Variants in SLC25A38 observed in about 807,000 individuals in gnomAD.
SLC25A38 encodes mitochondrial glycine transporter.
In SLC25A38, 27 loss-of-function variants were observed where a neutral mutation model predicts 33.4. That is an observed-to-expected ratio of 0.81 (90% CI 0.60 to 1.11). The LOEUF is 1.11. Among genes scored for constraint, SLC25A38 ranks in the 50% most tolerant of loss-of-function variants. SLC25A38 has a pLI of 0.00. For synonymous variants in SLC25A38, 123 were observed against 145.9 expected, an observed-to-expected ratio of 0.84 and a Z score of 1.13; for missense variants, 344 against 388.8, an observed-to-expected ratio of 0.88 and a Z score of 0.97.
chr3:39,385,802 G>C (rs566216135), intron 1 of SLC25A38, among the ~76,000 whole-genome samples: 2 of 152,370 alleles, frequency 1.3e-5, no homozygotes, highest in East Asian at 3.9e-4. Context: ...GATGGGGACA[G>C]GTGTTGCTGT....
Position 39,394,568 on chromosome 3 carries a change from A to G in SLC25A38, c.784A>G (p.Ile262Val), listed in dbSNP as rs2041808079. The change falls in exon 6 of 7, where the codon ATT becomes GTT. Residue 262 changes from isoleucine (I) to valine (V), a missense_variant. Ile to Val is a conservative substitution (Grantham distance 29). This residue lies in a region of SLC25A38 where 75 missense variants were observed against 117.0 expected (regional missense o/e 0.64). Transcript: ENST00000650617. Reference protein sequence around the residue: ...FQWIGQAVTLIFKDYGLRGFF... With the variant: ...FQWIGQAVTLVFKDYGLRGFF... ...ATGGATTGGCCAAGCAGTGACACTT[A>G]TTTTCAAAGTAAGACTACAAAATAA... The G allele has an allele frequency of 1.9e-6, 3 of 1,614,144 alleles. No individual in the cohort carries two copies. Among genetic ancestry groups the G allele is most frequent in the Non-Finnish European group, 2.5e-6 (3 of 1,180,008 alleles).
At chr3:39,383,895 A>T in intron 1 of SLC25A38, 102 bp downstream of exon 1, 2 of 1,314,086 alleles carry the variant, frequency 1.5e-6, no homozygotes, top group Non-Finnish European at 2.2e-6. Context: ...TCCGCGCCCC[A>T]GGGTGCGCTC....
Position 39,391,453 on chromosome 3 carries a change from T to A in SLC25A38, c.289T>A (p.Cys97Ser), listed in dbSNP as rs1434809498. The change falls in exon 4 of 7, where the codon TGT becomes AGT. Residue 97 changes from cysteine (C) to serine (S), a missense_variant. Coordinates refer to ENST00000650617, the MANE Select transcript of SLC25A38 (RefSeq NM_017875.4). ...WKGMSPSIVR[C>S]VPGVGIYFGT... ...ACCTTCTCTGCAGTCCATTGTGAGATGTGTCCCTGGCGTTGGAATCTACTT... is the reference window on the plus strand; with the variant it reads ...ACCTTCTCTGCAGTCCATTGTGAGAAGTGTCCCTGGCGTTGGAATCTACTT... 6.2e-7 allele frequency: 1 copy of A among 1,613,678 alleles called. No individual in the cohort carries two copies. The highest frequency in any genetic ancestry group is 1.3e-5 in the African/African-American group (1 of 75,034).
In SLC25A38 at chr3:39,396,497, G is replaced by A. The variant is rs746606420; in HGVS notation, c.892G>A (p.Ala298Thr). The part of the protein sequence containing the change: ...MAWTVYEEMM[A>T]KMGLKS ...GTGGACGGTGTATGAAGAGATGATG[G>A]CCAAGATGGGCCTGAAGTCCTGACC... is the stretch of plus-strand genomic sequence containing the variant. The change falls in exon 7 of 7, where the codon GCC becomes ACC. Residue 298 changes from alanine to threonine, a missense_variant. This residue lies in a region of SLC25A38 where 75 missense variants were observed against 117.0 expected (regional missense o/e 0.64). Transcript: ENST00000650617. The A allele has an allele frequency of 6.8e-6, 11 of 1,614,090 alleles. No individual in the cohort carries two copies. In the South Asian group the frequency reaches 8.8e-5, roughly 13 times the overall value.
In SLC25A38 at chr3:39,383,508, C is replaced by G. The variant is rs1028696180; in HGVS notation, c.-217C>G. On this transcript the variant is annotated 5_prime_UTR_variant, in exon 1 of 7. Transcript: ENST00000650617. ...CGCGGGTGAAGAGCGGCGCGTAATTCCCGCAGCAAGATTGTTCCGCGCCCG... is the reference window on the plus strand; with the variant it reads ...CGCGGGTGAAGAGCGGCGCGTAATTGCCGCAGCAAGATTGTTCCGCGCCCG... 14 of 595,062 alleles carry G rather than the reference C, an allele frequency of 2.4e-5. 1 individual carries two copies. Among genetic ancestry groups the G allele is most frequent in the African/African-American group, 1.7e-4 (9 of 53,536 alleles). 36.9% of individuals were successfully genotyped at this position (595,062 alleles called of 1,614,324 possible). A position where few individuals can be genotyped will look rare whatever the true frequency, so the allele number is the denominator to read the frequency against.
At chr3:39,387,727 T>TGG (rs1245645932) in intron 1 of SLC25A38, 1 of 152,364 alleles carries the variant, frequency 6.6e-6, no homozygotes, top group Non-Finnish European at 1.5e-5. Context: ...GTGTGAAGCC[T>TGG]GGATATGGGT....
chr3:39,389,342 A>T lies in SLC25A38; in HGVS notation c.70-153A>T. ...ATTGCAGTATTTTTAATTTCTGGCT[A>T]TACTTTTTCCTTCTCCGAGGTATGA... On this transcript the variant is annotated intron_variant, in intron 1 of 6. Coordinates refer to ENST00000650617, the MANE Select transcript of SLC25A38 (RefSeq NM_017875.4). This position sits in a 1 kb window ranked among gnomAD's most constrained non-coding sequence, Gnocchi z 4.5. The T allele has an allele frequency of 8.6e-7, 1 of 1,168,214 alleles. No individual in the cohort carries two copies. The allele number at this position is 1,168,214 out of a possible 1,614,324, so 72.4% of individuals were successfully genotyped here. A position where few individuals can be genotyped will look rare whatever the true frequency, so the allele number is the denominator to read the frequency against.
intron 1 of SLC25A38, 57 bp downstream of exon 1, chr3:39,383,850 G>T (rs1341447493): frequency 1.3e-6 from 2 of 1,595,400 alleles, no homozygotes; most frequent in African/African-American, 2.7e-5. Context: ...TCGGGCCGGA[G>T]AATTCGGGGC....
rs548537897 is a variant in SLC25A38, at chr3:39,383,958, G to T, written c.69+165G>T. ...TCTGACTAAGGGAATTGAGAAGGGG[G>T]CAGGGAGTGAGGAGAGGCCAGGAGC... On this transcript the variant is annotated intron_variant, in intron 1 of 6. Transcript: ENST00000650617. Among the ~76,000 whole-genome samples the T allele has an allele frequency of 3.8e-4, 58 of 152,316 alleles. 1 individual carries two copies. In the South Asian group the frequency reaches 0.012, roughly 30 times the overall value.
intron 1 of SLC25A38, 94 bp downstream of exon 1, chr3:39,383,887 C>T: frequency 7.1e-7 from 1 of 1,410,198 alleles, no homozygotes; most frequent in South Asian, 1.2e-5. Context: ...TACCCTTTTC[C>T]GCGCCCCAGG....
intron 4 of SLC25A38, 110 bp downstream of exon 4, chr3:39,391,730 G>C: frequency 6.3e-7 from 1 of 1,590,136 alleles, no homozygotes; most frequent in Admixed American, 1.7e-5. Context: ...AGAGTCTGAT[G>C]TGGTCAGACA....
At chr3:39,385,985 C>T (rs1304663251) in intron 1 of SLC25A38, among the ~76,000 whole-genome samples, 1 of 152,170 alleles carries the variant, frequency 6.6e-6, no homozygotes, top group East Asian at 1.9e-4. Flanking sequence ...AAACGGTTAG[C>T]AGGAGCCCTG....
In SLC25A38 at chr3:39,392,024, A is replaced by G. The variant is rs1398890581; in HGVS notation, c.625+3A>G. The G allele has an allele frequency of 6.2e-7, 1 of 1,614,182 alleles. No homozygotes were observed. Among genetic ancestry groups the G allele is most frequent in the Non-Finnish European group, 8.5e-7 (1 of 1,180,012 alleles). ...GACCAAAAATATAGTGCCTCATGGT[A>G]GGGATAAAGGAAGATCTGGGGAAGA... On this transcript the variant is annotated splice_donor_region_variant and intron_variant, in intron 5 of 6. Transcript: ENST00000650617.
chr3:39,383,810 GAA>G lies in SLC25A38; in HGVS notation c.69+18_69+19del, dbSNP rs766097907. ...ACGCTTATGGTGAGGGCACTGCGGG[GAA>G]GGAAGGGCAGGGGTCCGAACCGCGG... is the stretch of plus-strand genomic sequence containing the variant. On this transcript the variant is annotated intron_variant, in intron 1 of 6. Transcript: ENST00000650617. 3 of 1,613,998 alleles carry G rather than the reference GAA, an allele frequency of 1.9e-6. No homozygotes were observed. The highest frequency in any genetic ancestry group is 2.5e-6 in the Non-Finnish European group (3 of 1,179,894).
At chr3:39,388,589 A>C (rs1298566058) in intron 1 of SLC25A38, 2 of 152,242 alleles carry the variant, frequency 1.3e-5, no homozygotes, top group Non-Finnish European at 2.9e-5. Context: ...ATAAGGGAAG[A>C]GGTCTTTGGG....
intron 4 of SLC25A38, 66 bp downstream of exon 4, chr3:39,391,686 C>T: frequency 6.2e-7 from 1 of 1,609,986 alleles, no homozygotes; most frequent in South Asian, 1.1e-5. Flanking sequence ...GGGGAGTGAC[C>T]ACCGATGTCA....
At position 39,389,427 on chromosome 3, in the gene SLC25A38, G is replaced by C; in HGVS notation, c.70-68G>C. The C allele has an allele frequency of 1.2e-6, 2 of 1,613,388 alleles. No individual in the cohort carries two copies. Among genetic ancestry groups the C allele is most frequent in the Non-Finnish European group, 1.7e-6 (2 of 1,179,588 alleles). ...GAGACCATTATAAAGGAATTTGCTG[G>C]TCAGGTATAGAGAAAGGTGAGGCTC... On this transcript the variant is annotated intron_variant, in intron 1 of 6. Coordinates refer to ENST00000650617, the MANE Select transcript of SLC25A38 (RefSeq NM_017875.4). This position sits in a 1 kb window ranked among gnomAD's most constrained non-coding sequence, Gnocchi z 4.5.
intron 5 of SLC25A38, among the ~76,000 whole-genome samples, chr3:39,393,921 CATG>C (rs2041802453): frequency 6.6e-6 from 1 of 152,160 alleles, no homozygotes; most frequent in Admixed American, 6.6e-5. Context: ...GCAGTTTCTT[CATG>C]ATTAGATTTT....
chr3:39,386,806 G>A (rs1315158384), intron 1 of SLC25A38, among the ~76,000 whole-genome samples: 1 of 152,202 alleles, frequency 6.6e-6, no homozygotes, highest in African/African-American at 2.4e-5. Context: ...TGGGGTGCTA[G>A]AGAAATGGCA....
Sources: gnomAD v4.1 joint callset for allele counts (sites outside exome capture counted in the v4.1 genomes callset) on GRCh38, gnomAD v4.1.1 for gene constraint, gnomAD v4.1.1 regional missense constraint, Gnocchi (gnomAD v3.1) non-coding constraint, MANE v1.5 for transcripts, NCBI Gene and HGNC (gene_info 2026-07-23, HGNC 2026-07-21) for gene names.